RTF2: variants seen among roughly 807,000 people sequenced by gnomAD.
The protein encoded by RTF2 is replication termination factor 2.
A neutral mutation model predicts 38.0 loss-of-function variants in RTF2; 18 were observed. The ratio of observed to expected loss-of-function variants is 0.47; its 90% CI spans 0.33 to 0.70. The LOEUF (loss-of-function observed/expected upper bound fraction) is 0.70. Among genes scored for constraint, RTF2 ranks in the 30% least tolerant of loss-of-function variants. The probability of loss-of-function intolerance (pLI) is 0.02; values close to 1 mark genes in which losing one functional copy is unlikely to be tolerated. For missense variants in RTF2, 311 were observed against 379.6 expected (o/e 0.82, Z 1.50); for synonymous variants, 126 against 137.1 (o/e 0.92, Z 0.57).
At chr20:56,484,288 C>G in intron 5 of RTF2, 99 bp downstream of exon 5, 3 of 1,049,978 alleles carry the variant, frequency 2.9e-6, no homozygotes, top group Non-Finnish European at 4.4e-6. Flanking sequence ...GAAATCAGCT[C>G]TCATAAGTTG....
intron 6 of RTF2, among the ~76,000 whole-genome samples, chr20:56,514,688 A>G (rs1440538506): frequency 6.6e-6 from 1 of 152,210 alleles, no homozygotes; most frequent in Non-Finnish European, 1.5e-5. Flanking sequence ...ACCATTATGC[A>G]TGGATCCAGA....
At chr20:56,480,843 G>A (rs962786201) in intron 4 of RTF2, among the ~76,000 whole-genome samples, 57 of 152,172 alleles carry the variant, frequency 3.7e-4, no homozygotes, top group African/African-American at 1.3e-3. Context: ...TTATAAGAGT[G>A]TTGTTCCTGG....
At chr20:56,494,322 A>G (rs866191044) in intron 5 of RTF2, among the ~76,000 whole-genome samples, 1 of 152,234 alleles carries the variant, frequency 6.6e-6, no homozygotes, top group Non-Finnish European at 1.5e-5. Flanking sequence ...ACATTGTTGA[A>G]ACATTCTGAT....
chr20:56,513,453 C>T (rs1295916119), intron 6 of RTF2, 25 bp downstream of exon 6: 16 of 1,555,514 alleles, frequency 1.0e-5, no homozygotes, highest in East Asian at 2.4e-5. Flanking sequence ...CAGGTTCCGC[C>T]CAGCCCCCAT....
chr20:56,481,434 C>A (rs1202289969), intron 4 of RTF2, among the ~76,000 whole-genome samples: 1 of 152,170 alleles, frequency 6.6e-6, no homozygotes, highest in Non-Finnish European at 1.5e-5. Context: ...AGTTTAGGGT[C>A]CAAGGACCTT....
intron 4 of RTF2, among the ~76,000 whole-genome samples, chr20:56,483,795 T>A (rs1982643979): frequency 6.6e-6 from 1 of 152,262 alleles, no homozygotes; most frequent in Admixed American, 6.5e-5. Context: ...TGTTGACTAT[T>A]GCTGTATAAG....
intron 5 of RTF2, among the ~76,000 whole-genome samples, chr20:56,490,682 T>G (rs1361698305): frequency 6.6e-6 from 1 of 152,174 alleles, no homozygotes; most frequent in East Asian, 1.9e-4. Flanking sequence ...CCAGGCGTGG[T>G]GGTGCATGCC....
chr20:56,472,967 C>CA (rs1982049265), intron 1 of RTF2, among the ~76,000 whole-genome samples: 1 of 152,014 alleles, frequency 6.6e-6, no homozygotes, highest in Non-Finnish European at 1.5e-5. Flanking sequence ...CACGTCTCTA[C>CA]AAAAAATACA....
intron 2 of RTF2, among the ~76,000 whole-genome samples, chr20:56,474,308 C>G (rs1247987649): frequency 1.3e-5 from 2 of 152,108 alleles, no homozygotes; most frequent in Non-Finnish European, 2.9e-5. Context: ...TGGTGAAACC[C>G]TGTCTCTACT....
chr20:56,496,764 T>C (rs762061547), intron 5 of RTF2: 2 of 1,552,202 alleles, frequency 1.3e-6, no homozygotes. Context: ...TGTAAGTACA[T>C]AGTAAGCACT....
chr20:56,478,622 C>T (rs554600977), intron 4 of RTF2, among the ~76,000 whole-genome samples: 3 of 152,272 alleles, frequency 2.0e-5, no homozygotes, highest in African/African-American at 7.2e-5. Context: ...GAACCTTCAG[C>T]GAGTCATCAT....
At chr20:56,476,730 C>G (rs1049343386) in intron 3 of RTF2, among the ~76,000 whole-genome samples, 7 of 151,996 alleles carry the variant, frequency 4.6e-5, no homozygotes, top group African/African-American at 1.7e-4. Flanking sequence ...AACTCCTGAC[C>G]TCAGGTGATC....
intron 5 of RTF2, chr20:56,496,531 G>T: frequency 1.6e-6 from 2 of 1,224,834 alleles, no homozygotes; most frequent in Admixed American, 3.3e-5. Context: ...CTCGGTGACC[G>T]TGTGAGACTC....
At chr20:56,506,548 A>G (rs959028619) in intron 5 of RTF2, among the ~76,000 whole-genome samples, 6 of 152,152 alleles carry the variant, frequency 3.9e-5, no homozygotes, top group Non-Finnish European at 8.8e-5. Flanking sequence ...CACTTCCCCT[A>G]CTGGCCTTTT....
At chr20:56,477,449 T>C (rs994502722) in intron 4 of RTF2, among the ~76,000 whole-genome samples, 10 of 152,240 alleles carry the variant, frequency 6.6e-5, no homozygotes, top group Non-Finnish European at 1.3e-4. Flanking sequence ...TCTTTTCCTG[T>C]GGGACAGAAA....
rs1985251452 is a variant in RTF2, at chr20:56,519,292, C to A, written c.*1027C>A. On this transcript the variant is annotated 3_prime_UTR_variant, in exon 9 of 9. Transcript: ENST00000357348. ...TCTGTGGGAGACACAGACACGTGGG[C>A]AGAACTCCAGGGAGAGGCCAGCAAG... 1 of 152,112 alleles carries A rather than the reference C, an allele frequency of 6.6e-6. No individual in the cohort carries two copies. Among genetic ancestry groups the A allele is most frequent in the African/African-American group, 2.4e-5 (1 of 41,410 alleles). The allele number at this position is 152,112 out of a possible 1,614,324, so 9.4% of individuals were successfully genotyped here. A position where few individuals can be genotyped will look rare whatever the true frequency, so the allele number is the denominator to read the frequency against.
intron 6 of RTF2, among the ~76,000 whole-genome samples, chr20:56,515,171 G>GA (rs1233099459): frequency 6.6e-6 from 1 of 152,022 alleles, no homozygotes; most frequent in Non-Finnish European, 1.5e-5. Context: ...TTGTAAGAGA[G>GA]AAAAAAAGAG....
In RTF2 at chr20:56,518,233, C is replaced by T. The variant is rs778297444; in HGVS notation, c.889C>T (p.His297Tyr). The T allele has an allele frequency of 1.2e-6, 2 of 1,613,800 alleles. No individual in the cohort carries two copies. Among genetic ancestry groups the T allele is most frequent in the Admixed American group, 1.7e-5 (1 of 59,928 alleles). ...SAKRSKEESAHWVTHTSYCF is the reference protein window; with the variant it reads ...SAKRSKEESAYWVTHTSYCF Reference sequence around the variant, plus strand: ...CAAGCGCTCCAAGGAGGAGTCTGCCCACTGGGTCACCCACACGTCCTACTG... The same window carrying T: ...CAAGCGCTCCAAGGAGGAGTCTGCCTACTGGGTCACCCACACGTCCTACTG... Residue 297 changes from histidine (H) to tyrosine (Y), a missense_variant, in exon 9 of 9, where the codon CAC becomes TAC. His to Tyr is a moderately conservative substitution (Grantham distance 83, BLOSUM62 2). Transcript: ENST00000357348.
intron 5 of RTF2, among the ~76,000 whole-genome samples, chr20:56,506,716 TGA>T (rs1196021337): frequency 2.0e-5 from 3 of 152,134 alleles, no homozygotes. Context: ...TTTTTTTTTT[TGA>T]GAGAGAGAGT....
Sources: allele counts gnomAD v4.1 joint callset (sites outside exome capture counted in the v4.1 genomes callset), GRCh38; gene constraint gnomAD v4.1.1; transcripts MANE v1.5; gene names NCBI Gene and HGNC (gene_info 2026-07-23, HGNC 2026-07-21).